SLC28A1: variants seen among roughly 807,000 people sequenced by gnomAD.
SLC28A1 encodes the protein solute carrier family 28 member 1.
A neutral mutation model predicts 74.8 loss-of-function variants in SLC28A1; 64 were observed. That is an observed-to-expected ratio of 0.86 (90% CI 0.70 to 1.05). The LOEUF (loss-of-function observed/expected upper bound fraction) is 1.05, where lower values mean the gene tolerates loss of function less well. Among genes scored for constraint, SLC28A1 ranks in the 50% least tolerant of loss-of-function variants. The pLI is 0.00. For synonymous variants in SLC28A1, 359 were observed against 335.0 expected (o/e 1.07, Z -0.78); for missense variants, 828 against 822.8 (o/e 1.01, Z -0.08).
At chr15:84,908,178 C>CTTTT (rs71135328) in intron 8 of SLC28A1, among the ~76,000 whole-genome samples, 6,354 of 91,024 alleles carry the variant, frequency 0.07, 778 homozygotes, top group Non-Finnish European at 0.091. Context: ...CAGAGCATTT[C>CTTTT]TTTTTTTTTT....
intron 5 of SLC28A1, among the ~76,000 whole-genome samples, chr15:84,892,670 C>A (rs1965488207): frequency 6.6e-6 from 1 of 152,186 alleles, no homozygotes; most frequent in African/African-American, 2.4e-5. Flanking sequence ...TCACCTCTTT[C>A]CTGGGGAGGC....
At chr15:84,931,271 AT>A (rs1971241099) in intron 12 of SLC28A1, among the ~76,000 whole-genome samples, 1 of 151,964 alleles carries the variant, frequency 6.6e-6, no homozygotes, top group Non-Finnish European at 1.5e-5. Context: ...TTTTATTTTT[AT>A]TTAACACTTT....
rs1966968230 is a variant in SLC28A1, at chr15:84,905,612, C to A, written c.677C>A (p.Pro226Gln). ...VLGLLVIRTE[P>Q]GFIAFEWLGE... ...GGACTCCTCGTCATCAGAACAGAACCAGGATTCATTGCGTTCGAGTGGCTG... is the reference window on the plus strand; with the variant it reads ...GGACTCCTCGTCATCAGAACAGAACAAGGATTCATTGCGTTCGAGTGGCTG... The change falls in exon 8 of 19, where the codon CCA becomes CAA. Residue 226 changes from proline to glutamine, a missense_variant. Physicochemically the swap from Pro to Gln is moderately conservative, Grantham distance 76. This residue lies in a region of SLC28A1 where 767 missense variants were observed against 753.5 expected (regional missense o/e 1.02). Coordinates refer to ENST00000394573, the MANE Select transcript of SLC28A1 (RefSeq NM_004213.5). 6.2e-7 allele frequency: 1 copy of A among 1,613,988 alleles called. No homozygotes were observed. Among genetic ancestry groups the A allele is most frequent in the South Asian group, 1.1e-5 (1 of 91,078 alleles).
chr15:84,930,614 C>CTTTT (rs10609233), intron 12 of SLC28A1, among the ~76,000 whole-genome samples: 14 of 103,486 alleles, frequency 1.4e-4, no homozygotes, highest in African/African-American at 5.4e-4. Flanking sequence ...CTGCCCTCTG[C>CTTTT]TTTTTTTTTT....
At chr15:84,910,476 C>G (rs541899595) in intron 9 of SLC28A1, among the ~76,000 whole-genome samples, 1 of 152,334 alleles carries the variant, frequency 6.6e-6, no homozygotes, top group East Asian at 1.9e-4. Context: ...TGCCTGTAAT[C>G]CTAGCACTTT....
intron 9 of SLC28A1, 78 bp downstream of exon 9, chr15:84,908,873 G>T (rs912896567): frequency 2.3e-5 from 27 of 1,192,602 alleles, no homozygotes; most frequent in Non-Finnish European, 3.0e-5. Flanking sequence ...TCTGGGCATG[G>T]TGGGGGCCCA....
chr15:84,937,460 A>T lies in SLC28A1; in HGVS notation c.1581+1942A>T, dbSNP rs1221409136. Among the ~76,000 whole-genome samples, 3 of 152,202 alleles carry T rather than the reference A, an allele frequency of 2.0e-5. No homozygotes were observed. In the East Asian group the frequency reaches 5.8e-4, roughly 29 times the overall value. On this transcript the variant is annotated intron_variant, in intron 15 of 18. Coordinates refer to ENST00000394573, the MANE Select transcript of SLC28A1 (RefSeq NM_004213.5). ...CATCGGGTAGCTTCTTTTTAAAAAC[A>T]AGGTTCACTACTTCAATAAGCAAAT... is the stretch of plus-strand genomic sequence containing the variant.
intron 12 of SLC28A1, among the ~76,000 whole-genome samples, chr15:84,929,899 G>A (rs997672346): frequency 1.3e-5 from 2 of 152,132 alleles, no homozygotes; most frequent in African/African-American, 4.8e-5. Flanking sequence ...GTGGGCCCTG[G>A]GATGCTAGGA....
chr15:84,952,424 G>A, the SLC28A1 span, among the ~76,000 whole-genome samples: 12 of 152,126 alleles, frequency 7.9e-5, no homozygotes, highest in African/African-American at 2.4e-4. Flanking sequence ...TCTCCTACAC[G>A]TCAGTAAATT....
intron 6 of SLC28A1, 27 bp downstream of exon 6, chr15:84,895,150 G>A (rs753587047): frequency 6.2e-7 from 1 of 1,612,208 alleles, no homozygotes; most frequent in African/African-American, 1.3e-5. Context: ...CCCCGAGGCA[G>A]GGCAGGGGAG....
At chr15:84,903,774 G>C (rs1251859919) in intron 6 of SLC28A1, among the ~76,000 whole-genome samples, 1 of 152,188 alleles carries the variant, frequency 6.6e-6, no homozygotes, top group Non-Finnish European at 1.5e-5. Context: ...GATGGAGCCA[G>C]GTGCTTGTCA....
intron 15 of SLC28A1, chr15:84,940,768 C>T: frequency 5.2e-6 from 1 of 192,926 alleles, no homozygotes; most frequent in East Asian, 1.2e-4. Flanking sequence ...GCAACATCAA[C>T]AACGGATAGG....
chr15:84,892,394 G>A (rs1454675042), intron 5 of SLC28A1, among the ~76,000 whole-genome samples: 2 of 152,056 alleles, frequency 1.3e-5, no homozygotes, highest in African/African-American at 4.8e-5. Context: ...AGATGGTGAT[G>A]TCCACCTTTG....
chr15:84,894,537 G>A (rs988920147), intron 5 of SLC28A1, among the ~76,000 whole-genome samples: 6 of 152,130 alleles, frequency 3.9e-5, no homozygotes, highest in Non-Finnish European at 7.3e-5. Context: ...AACGCAGTCC[G>A]AGCACACATG....
chr15:84,963,653 T>C, the SLC28A1 span, among the ~76,000 whole-genome samples: 1 of 152,128 alleles, frequency 6.6e-6, no homozygotes, highest in African/African-American at 2.4e-5. Context: ...CTATCAGCCA[T>C]TGTACACCAG....
At chr15:84,971,657 CTCTTT>C in the SLC28A1 span, among the ~76,000 whole-genome samples, 16 of 135,656 alleles carry the variant, frequency 1.2e-4, no homozygotes, top group African/African-American at 4.3e-4. Context: ...CCTTGTTCTT[CTCTTT>C]TCTTTTTGAC....
At chr15:84,915,093 G>A (rs1015979792) in intron 9 of SLC28A1, among the ~76,000 whole-genome samples, 2 of 152,150 alleles carry the variant, frequency 1.3e-5, no homozygotes, top group Non-Finnish European at 2.9e-5. Context: ...AAGCAGTCTA[G>A]ACAGTACGTG....
chr15:84,922,641 CG>C (rs1346354397), intron 11 of SLC28A1, among the ~76,000 whole-genome samples: 1 of 152,192 alleles, frequency 6.6e-6, no homozygotes, highest in African/African-American at 2.4e-5. Flanking sequence ...ACACACAAAG[CG>C]GATCATTCCA....
At chr15:84,946,169 A>G (rs7403651), downstream of SLC28A1, among the ~76,000 whole-genome samples, 97,135 of 108,376 alleles carry the variant, frequency 0.9, 43,721 homozygotes, top group African/African-American at 0.98. Flanking sequence ...TGCCCAGGCT[A>G]GTCTCAGACT....
Sources: allele counts gnomAD v4.1 joint callset (sites outside exome capture counted in the v4.1 genomes callset), GRCh38; gene constraint gnomAD v4.1.1; regional missense constraint gnomAD v4.1.1; transcripts MANE v1.5; gene names NCBI Gene and HGNC (gene_info 2026-07-23, HGNC 2026-07-21).